MIPOL1: variants seen among roughly 807,000 people sequenced by gnomAD.
MIPOL1 encodes mirror-image polydactyly gene 1 protein.
Under a neutral mutation model 60.9 loss-of-function variants are expected in MIPOL1, and 57 were observed. That is an observed-to-expected ratio of 0.94 (90% CI 0.76 to 1.17). MIPOL1 has a LOEUF of 1.17. Ranked by LOEUF, MIPOL1 falls within the 50% of genes most tolerant of loss-of-function variation. The pLI, the probability that MIPOL1 is intolerant of heterozygous loss-of-function variation, is 0.00. For synonymous variants in MIPOL1, 179 were observed against 168.8 expected (o/e 1.06, Z -0.47); for missense variants, 551 against 511.6 (o/e 1.08, Z -0.74).
chr14:37,492,207 A>G (rs2095057089), intron 11 of MIPOL1, among the ~76,000 whole-genome samples: 1 of 152,228 alleles, frequency 6.6e-6, no homozygotes, highest in Admixed American at 6.5e-5. Context: ...ATAAAAGTAG[A>G]CATTATCCTT....
In MIPOL1 at chr14:37,345,328, C is replaced by T. The variant is rs74690885; in HGVS notation, c.829-24189C>T. Among the ~76,000 whole-genome samples the T allele has an allele frequency of 8.5e-5, 13 of 152,284 alleles. No homozygotes were observed. In the East Asian group the frequency reaches 2.5e-3, roughly 29 times the overall value. Reference sequence around the variant, plus strand: ...GCTACATTGCCCAGGCCGGTCTTGACTCCTGGACTTAAGTGATCTTCCTGC... The same window carrying T: ...GCTACATTGCCCAGGCCGGTCTTGATTCCTGGACTTAAGTGATCTTCCTGC... On this transcript the variant is annotated intron_variant, in intron 9 of 12. Transcript: ENST00000684589.
chr14:37,420,765 G>C (rs2093857788), intron 10 of MIPOL1, among the ~76,000 whole-genome samples: 2 of 152,168 alleles, frequency 1.3e-5, no homozygotes, highest in South Asian at 2.1e-4. Flanking sequence ...TTTCTTCTGA[G>C]GCTAGTGGGA....
chr14:37,225,658 G>T (rs57167835), intron 1 of MIPOL1, among the ~76,000 whole-genome samples: 6,671 of 152,242 alleles, frequency 0.044, 338 homozygotes, highest in African/African-American at 0.12. Flanking sequence ...GGGAGCAGCT[G>T]CTGTGAAGAC....
chr14:37,295,889 G>C (rs1445216128), intron 7 of MIPOL1, among the ~76,000 whole-genome samples: 2 of 152,064 alleles, frequency 1.3e-5, no homozygotes. Context: ...ACATTAGACA[G>C]ATCAACGAGA....
chr14:37,532,051 G>C (rs1054395922), intron 12 of MIPOL1, among the ~76,000 whole-genome samples: 6 of 152,128 alleles, frequency 3.9e-5, no homozygotes, highest in African/African-American at 1.4e-4. Flanking sequence ...AATTGACAAA[G>C]TGTCTTTCGT....
chr14:37,519,833 T>C lies in MIPOL1; in HGVS notation c.1262+19695T>C, dbSNP rs549197280. 9.8e-4 allele frequency among the ~76,000 whole-genome samples: 149 copies of C among 152,278 alleles called. 1 individual carries two copies. Among genetic ancestry groups the C allele is most frequent in the African/African-American group, 3.3e-3 (138 of 41,576 alleles). On this transcript the variant is annotated intron_variant, in intron 12 of 12. Coordinates refer to ENST00000684589, the MANE Select transcript of MIPOL1 (RefSeq NM_001388067.1). ...ATAGTGATATCATAGACTTGAACAA[T>C]TGTGGTTCTTCCACCTTGCGGAATT...
At chr14:37,257,057 T>C (rs1288285865) in intron 3 of MIPOL1, among the ~76,000 whole-genome samples, 1 of 151,164 alleles carries the variant, frequency 6.6e-6, no homozygotes, top group Non-Finnish European at 1.5e-5. Flanking sequence ...TTTCCTTTCA[T>C]GTTTTTCTTT....
intron 9 of MIPOL1, among the ~76,000 whole-genome samples, chr14:37,334,919 T>C (rs1035075335): frequency 3.9e-5 from 6 of 152,112 alleles, no homozygotes; most frequent in Admixed American, 3.3e-4. Flanking sequence ...TATTCATTTA[T>C]CAGCTGATGA....
At chr14:37,466,325 C>T (rs1320707741) in intron 11 of MIPOL1, among the ~76,000 whole-genome samples, 2 of 152,052 alleles carry the variant, frequency 1.3e-5, no homozygotes, top group African/African-American at 2.4e-5. Flanking sequence ...TATATTAATT[C>T]TGATTTGTTC....
rs146214979 is a variant in MIPOL1 at position 37,334,980 on chromosome 14, T to G, written c.828+26461T>G. Among the ~76,000 whole-genome samples the G allele has an allele frequency of 1.7e-3, 256 of 152,214 alleles. 1 individual carries two copies. The highest frequency in any genetic ancestry group is 5.8e-3 in the African/African-American group (241 of 41,578). On this transcript the variant is annotated intron_variant, in intron 9 of 12. Coordinates refer to ENST00000684589, the MANE Select transcript of MIPOL1 (RefSeq NM_001388067.1). ...ACTATTAGGCTGCTGTGAACATTAA[T>G]GTATAGGTTTTTGTGGGAGCATATT... is the stretch of plus-strand genomic sequence containing the variant.
rs79121224 is a variant in MIPOL1 at position 37,435,611 on chromosome 14, A to G, written c.1031+12662A>G. Among the ~76,000 whole-genome samples the G allele has an allele frequency of 1.2e-3, 190 of 152,186 alleles. 4 individuals carry two copies. The East Asian group carries it at 0.034, about 27-fold the overall frequency. On this transcript the variant is annotated intron_variant, in intron 11 of 12. Coordinates refer to ENST00000684589, the MANE Select transcript of MIPOL1 (RefSeq NM_001388067.1). ...TTGAATGAATGAGTATGTATTAAAT[A>G]TACGTGTATGCTTAAACATTGTGAT...
At chr14:37,501,152 A>G (rs1236015786) in intron 12 of MIPOL1, among the ~76,000 whole-genome samples, 3 of 152,204 alleles carry the variant, frequency 2.0e-5, no homozygotes, top group East Asian at 3.8e-4. Flanking sequence ...TTTAATCTTT[A>G]CTAGCCATGT....
intron 9 of MIPOL1, among the ~76,000 whole-genome samples, chr14:37,359,137 T>A (rs773598869): frequency 6.6e-6 from 1 of 152,296 alleles, no homozygotes; most frequent in East Asian, 1.9e-4. Context: ...GAAGACCAAA[T>A]GGTTGTAGGT....
intron 9 of MIPOL1, among the ~76,000 whole-genome samples, chr14:37,310,885 C>A (rs544948505): frequency 6.6e-6 from 1 of 152,096 alleles, no homozygotes; most frequent in Non-Finnish European, 1.5e-5. Context: ...GAGGGCTTAG[C>A]TTTTTAACTT....
At position 37,549,869 on chromosome 14, in the gene MIPOL1, G is replaced by A. The variant is rs1048163261; in HGVS notation, c.*2898G>A. On this transcript the variant is annotated 3_prime_UTR_variant, in exon 13 of 13. Coordinates refer to ENST00000684589, the MANE Select transcript of MIPOL1 (RefSeq NM_001388067.1). ...AACATAACATGAGTCTCTTTGTACT[G>A]TTTTTAATTTGGCCTGATGCTAAAA... 6.6e-6 allele frequency: 1 copy of A among 151,812 alleles called. No homozygotes were observed. Among genetic ancestry groups the A allele is most frequent in the African/African-American group, 2.4e-5 (1 of 41,376 alleles). 9.4% of individuals were successfully genotyped at this position (151,812 alleles called of 1,614,324 possible).
intron 9 of MIPOL1, among the ~76,000 whole-genome samples, chr14:37,365,028 G>T (rs916562312): frequency 6.6e-6 from 1 of 152,118 alleles, no homozygotes; most frequent in Non-Finnish European, 1.5e-5. Flanking sequence ...ATATAGAAAT[G>T]CTACTGATTT....
intron 10 of MIPOL1, among the ~76,000 whole-genome samples, chr14:37,387,602 G>C (rs2093108936): frequency 6.6e-6 from 1 of 151,836 alleles, no homozygotes; most frequent in Non-Finnish European, 1.5e-5. Flanking sequence ...CTATATACCT[G>C]TGACCTAACT....
chr14:37,270,320 AAT>A, intron 5 of MIPOL1, 98 bp from the exon 6 acceptor site: 1 of 529,130 alleles, frequency 1.9e-6, no homozygotes, highest in South Asian at 3.6e-5. Flanking sequence ...AGTTAAATAT[AAT>A]ATAAGAATTA....
chr14:37,377,410 A>G (rs1191649833), intron 10 of MIPOL1, among the ~76,000 whole-genome samples: 3 of 152,112 alleles, frequency 2.0e-5, no homozygotes, highest in African/African-American at 7.2e-5. Context: ...TTTTATAGTC[A>G]TGAGACAAAG....
Sources: gnomAD v4.1 joint callset for allele counts (sites outside exome capture counted in the v4.1 genomes callset) on GRCh38, gnomAD v4.1.1 for gene constraint, MANE v1.5 for transcripts, NCBI Gene and HGNC (gene_info 2026-07-23, HGNC 2026-07-21) for gene names.